Variants in RYR2 observed in about 807,000 individuals in gnomAD.
The protein encoded by RYR2 is cardiac muscle ryanodine receptor-calcium release channel.
A neutral mutation model predicts 601.1 loss-of-function variants in RYR2; 227 were observed. That is an observed-to-expected ratio of 0.38 (90% CI 0.34 to 0.42). The LOEUF is 0.42. RYR2 is among the 10% of genes least tolerant of loss of function. The pLI is 1.00. For synonymous variants in RYR2, 2,223 were observed against 2,175.1 expected, an observed-to-expected ratio of 1.02 and a Z score of -0.61; for missense variants, 4,646 against 6,156.5, an observed-to-expected ratio of 0.75 and a Z score of 8.21.
chr1:237,732,801 A>T (rs1240621650), intron 78 of RYR2, among the ~76,000 whole-genome samples: 1 of 152,200 alleles, frequency 6.6e-6, no homozygotes. Flanking sequence ...GGGACATAGC[A>T]GAGGCTAGAG....
chr1:237,314,495 G>T (rs1174028193), intron 2 of RYR2, among the ~76,000 whole-genome samples: 1 of 152,178 alleles, frequency 6.6e-6, no homozygotes, highest in Non-Finnish European at 1.5e-5. Context: ...GTTAAAAAGT[G>T]GTACTAGCCT....
chr1:237,752,547 C>A (rs561684155), intron 80 of RYR2, among the ~76,000 whole-genome samples: 38 of 151,822 alleles, frequency 2.5e-4, no homozygotes, highest in African/African-American at 8.7e-4. Context: ...TGAGTCAACT[C>A]TACAGAAATG....
chr1:237,329,864 G>T (rs113330147), intron 2 of RYR2, among the ~76,000 whole-genome samples: 423 of 151,720 alleles, frequency 2.8e-3, no homozygotes, highest in Non-Finnish European at 4.9e-3. Context: ...TTAAGAGAAA[G>T]AGAAAAAAAG....
At chr1:237,473,466 T>TTTCTTTCTTTCTTC (rs1661009039) in intron 17 of RYR2, among the ~76,000 whole-genome samples, 1 of 148,448 alleles carries the variant, frequency 6.7e-6, no homozygotes, top group Admixed American at 6.8e-5. Flanking sequence ...TCTTTCTATC[T>TTTCTTTCTTTCTTC]ATCTATCTAT....
chr1:237,175,599 T>C (rs553243541), intron 1 of RYR2, among the ~76,000 whole-genome samples: 2 of 152,314 alleles, frequency 1.3e-5, no homozygotes, highest in East Asian at 3.9e-4. Context: ...GAACCATTGA[T>C]GTGAACTCTT....
chr1:237,384,025 C>T (rs1344166866), intron 8 of RYR2, among the ~76,000 whole-genome samples: 1 of 152,188 alleles, frequency 6.6e-6, no homozygotes, highest in East Asian at 1.9e-4. Flanking sequence ...CTGAATATTG[C>T]ATACCACAAG....
intron 78 of RYR2, 68 bp downstream of exon 78, chr1:237,732,217 G>A: frequency 1.1e-6 from 1 of 887,608 alleles, no homozygotes; most frequent in East Asian, 2.5e-5. Context: ...TGAGTATTCT[G>A]TGCCATGTGT....
chr1:237,159,793 T>C (rs1019868427), intron 1 of RYR2, among the ~76,000 whole-genome samples: 2 of 152,208 alleles, frequency 1.3e-5, no homozygotes, highest in Non-Finnish European at 2.9e-5. Context: ...TTTCAACTTA[T>C]AGGGAAATAA....
At position 237,772,032 on chromosome 1, in the gene RYR2, A is replaced by G; in HGVS notation, c.11578A>G (p.Thr3860Ala). 1 of 1,540,974 alleles carries G rather than the reference A, an allele frequency of 6.5e-7. No homozygotes were observed. The highest frequency in any genetic ancestry group is 1.2e-5 in the South Asian group (1 of 84,392). ...CATAGATTTTCAGAATTATCTGAGA[A>G]CTCAGACTGGCAATAATACAACTGT... ...HNSDFQNYLR[T>A]QTGNNTTVNI... The change falls in exon 86 of 105, where the codon ACT (threonine) becomes GCT (alanine). Residue 3860 changes from threonine to alanine, a missense_variant. Transcript: ENST00000366574.
chr1:237,216,391 A>G (rs1683155228), intron 1 of RYR2, among the ~76,000 whole-genome samples: 1 of 152,194 alleles, frequency 6.6e-6, no homozygotes, highest in African/African-American at 2.4e-5. Context: ...AATCTTAGAA[A>G]AGTGAGGATT....
intron 1 of RYR2, among the ~76,000 whole-genome samples, chr1:237,215,032 G>A (rs1683010624): frequency 6.6e-6 from 1 of 152,164 alleles, no homozygotes; most frequent in Non-Finnish European, 1.5e-5. Context: ...ACTCGGAGAA[G>A]GTGAGGATCT....
Position 237,696,867 on chromosome 1 carries a change from A to G in RYR2, c.9068-2098A>G, listed in dbSNP as rs10925496. On this transcript the variant is annotated intron_variant, in intron 63 of 104. Coordinates refer to ENST00000366574, the MANE Select transcript of RYR2 (RefSeq NM_001035.3). ...ATCCTAATCTGAATTCACCATCATC[A>G]GTGAACTGATTCCGTTCCTGCAGTA... Among the ~76,000 whole-genome samples, 779 of 152,272 alleles carry G rather than the reference A, an allele frequency of 5.1e-3. 9 individuals are homozygous for G. The highest frequency in any genetic ancestry group is 0.018 in the African/African-American group (744 of 41,558).
chr1:237,575,544 C>A (rs995303733), intron 29 of RYR2, among the ~76,000 whole-genome samples: 6 of 151,934 alleles, frequency 3.9e-5, no homozygotes, highest in African/African-American at 1.5e-4. Flanking sequence ...TTCCCCCCAC[C>A]CCCGGCGTAC....
At chr1:237,061,056 A>T (rs1049823978) in intron 1 of RYR2, among the ~76,000 whole-genome samples, 15 of 152,172 alleles carry the variant, frequency 9.9e-5, no homozygotes, top group Non-Finnish European at 2.1e-4. Flanking sequence ...ATTATGGTGG[A>T]TGTATAGAGG....
chr1:237,291,917 G>C (rs575189518), intron 2 of RYR2, among the ~76,000 whole-genome samples: 1 of 152,304 alleles, frequency 6.6e-6, no homozygotes, highest in Admixed American at 6.5e-5. Flanking sequence ...TATAGTCTTT[G>C]GGGGATAGTG....
intron 1 of RYR2, among the ~76,000 whole-genome samples, chr1:237,146,005 A>G (rs1314788390): frequency 6.6e-6 from 1 of 152,198 alleles, no homozygotes; most frequent in Non-Finnish European, 1.5e-5. Flanking sequence ...GGTATTAATA[A>G]AAATGTTAGA....
chr1:237,646,440 G>C (rs1573319796), intron 48 of RYR2, among the ~76,000 whole-genome samples: 1 of 152,048 alleles, frequency 6.6e-6, no homozygotes, highest in African/African-American at 2.4e-5. Flanking sequence ...AACTTTATGT[G>C]GCTGTGCATT....
At chr1:237,148,009 T>G (rs2148795386) in intron 1 of RYR2, among the ~76,000 whole-genome samples, 1 of 152,298 alleles carries the variant, frequency 6.6e-6, no homozygotes, top group South Asian at 2.1e-4. Context: ...TAGGAAGTCA[T>G]GTGGTCGAAT....
chr1:237,628,904 G>A (rs1679964417), intron 41 of RYR2, among the ~76,000 whole-genome samples: 2 of 152,030 alleles, frequency 1.3e-5, no homozygotes, highest in African/African-American at 4.8e-5. Context: ...GGGGTAGGGG[G>A]AACAAATTTT....
Sources: allele counts gnomAD v4.1 joint callset (sites outside exome capture counted in the v4.1 genomes callset), GRCh38; gene constraint gnomAD v4.1.1; transcripts MANE v1.5; gene names NCBI Gene and HGNC (gene_info 2026-07-23, HGNC 2026-07-21).